The following EGFL6 variants were observed in gnomAD, a reference collection of about 807,000 sequenced individuals.
EGFL6 encodes the protein EGF like domain multiple 6, also known as epidermal growth factor-like protein 6.
EGFL6 carries 42 observed loss-of-function variants against 43.1 expected under a neutral mutation model. That is an observed-to-expected ratio of 0.98 (90% CI 0.76 to 1.26). The LOEUF is 1.26. Among genes scored for constraint, EGFL6 ranks in the 50% most tolerant of loss-of-function variants. The probability of loss-of-function intolerance (pLI) is 0.00; values close to 1 mark genes in which losing one functional copy is unlikely to be tolerated. For missense variants in EGFL6, 429 were observed against 427.8 expected (o/e 1.00, Z -0.02); for synonymous variants, 164 against 163.2 (o/e 1.01, Z -0.04).
chrX:13,571,330 A>G (rs1295965584), intron 1 of EGFL6, among the ~76,000 whole-genome samples: 2 of 111,098 alleles, frequency 1.8e-5, no homozygotes, highest in African/African-American at 3.3e-5. Flanking sequence ...ATATTTCATC[A>G]GAGTTAGCCA....
At chrX:13,576,628 T>C (rs781083599) in intron 1 of EGFL6, among the ~76,000 whole-genome samples, 26 of 111,652 alleles carry the variant, frequency 2.3e-4, no homozygotes, top group Admixed American at 1.3e-3. Flanking sequence ...GGAAATGTAG[T>C]CTATATTCTG....
rs753752925 is a variant in EGFL6, at chrX:13,582,155, C to T, written c.75-7401C>T. On this transcript the variant is annotated intron_variant, in intron 1 of 11. Transcript: ENST00000361306. Reference sequence around the variant, plus strand: ...TCGGCTGACTGCAAGCTCTGACTCCCGGGTTCACGCCATTCTCCTGCCTCA... The same window carrying T: ...TCGGCTGACTGCAAGCTCTGACTCCTGGGTTCACGCCATTCTCCTGCCTCA... Among the ~76,000 whole-genome samples the T allele has an allele frequency of 7.3e-5, 8 of 109,383 alleles. No individual in the cohort carries two copies. The South Asian group carries it at 1.2e-3, about 17-fold the overall frequency. The allele number at this position is 109,383 out of a possible 115,157, so 95.0% of individuals were successfully genotyped here. A position where few individuals can be genotyped will look rare whatever the true frequency, so the allele number is the denominator to read the frequency against.
In EGFL6 at chrX:13,589,815, A is replaced by G. The variant is rs1395655834; in HGVS notation, c.187+147A>G. 5.4e-5 allele frequency: 22 copies of G among 406,414 alleles called. No individual in the cohort carries two copies. The East Asian group carries it at 8.9e-4, about 16-fold the overall frequency. The allele number at this position is 406,414 out of a possible 1,213,427, so 33.5% of individuals were successfully genotyped here. A position where few individuals can be genotyped will look rare whatever the true frequency, so the allele number is the denominator to read the frequency against. The stretch of plus-strand genomic sequence containing the variant: ...AATAACCAAGGTCTGGGTTCCTATG[A>G]GATCTCTTCCCAGACAAAATGTGGC... On this transcript the variant is annotated intron_variant, in intron 2 of 11. Coordinates refer to ENST00000361306, the MANE Select transcript of EGFL6 (RefSeq NM_015507.4).
chrX:13,588,691 G>C (rs1312089132), intron 1 of EGFL6, among the ~76,000 whole-genome samples: 1 of 111,030 alleles, frequency 9.0e-6, no homozygotes, highest in East Asian at 2.8e-4. Context: ...CATGAGCGAA[G>C]AACAGTTTTT....
At chrX:13,589,492 T>C in intron 1 of EGFL6, 64 bp from the exon 2 acceptor site, 2 of 932,980 alleles carry the variant, frequency 2.1e-6, no homozygotes, top group Non-Finnish European at 3.0e-6. Context: ...CTTTTAGTAG[T>C]AGGGAAGAGT....
chrX:13,578,704 T>C (rs1237937875), intron 1 of EGFL6, among the ~76,000 whole-genome samples: 18 of 109,801 alleles, frequency 1.6e-4, no homozygotes, highest in African/African-American at 5.1e-4. Flanking sequence ...CCGCATATTC[T>C]CACTCATAGG....
intron 7 of EGFL6, among the ~76,000 whole-genome samples, chrX:13,613,100 G>A (rs919814844): frequency 2.8e-5 from 3 of 106,718 alleles, no homozygotes; most frequent in Non-Finnish European, 5.8e-5. Flanking sequence ...AGCTGAGATC[G>A]TACCACTACA....
intron 3 of EGFL6, among the ~76,000 whole-genome samples, chrX:13,596,862 T>C (rs1277553142): frequency 8.9e-6 from 1 of 112,372 alleles, no homozygotes; most frequent in African/African-American, 3.2e-5. Context: ...CAAAGAATGA[T>C]CAGACCCAAA....
chrX:13,629,143 G>C (rs1017597535), intron 11 of EGFL6, among the ~76,000 whole-genome samples: 2 of 112,565 alleles, frequency 1.8e-5, no homozygotes, highest in African/African-American at 6.5e-5. Context: ...GCTTGTTTAG[G>C]AATGACACAT....
At chrX:13,596,141 G>A (rs747949339) in intron 3 of EGFL6, 24 of 112,194 alleles carry the variant, frequency 2.1e-4, no homozygotes, top group South Asian at 1.1e-3. Flanking sequence ...CCCAGGAAGC[G>A]TTGCCAGATA....
chrX:13,632,626 G>C (rs1284808671), intron 11 of EGFL6, among the ~76,000 whole-genome samples: 1 of 111,125 alleles, frequency 9.0e-6, no homozygotes, highest in Non-Finnish European at 1.9e-5. Flanking sequence ...TTTTTTATTA[G>C]ATGTTCAAGG....
intron 2 of EGFL6, 121 bp downstream of exon 2, chrX:13,589,789 C>T (rs1439715362): frequency 2.0e-6 from 1 of 495,868 alleles, no homozygotes; most frequent in Non-Finnish European, 3.2e-6. Context: ...GCATAACTAC[C>T]AATAACCAAG....
chrX:13,626,966 T>G (rs1400550499), intron 10 of EGFL6, 45 bp from the exon 11 acceptor site: 1 of 1,184,207 alleles, frequency 8.4e-7, no homozygotes, highest in Non-Finnish European at 1.1e-6. Context: ...GCCAAACTCC[T>G]TACAATTGCC....
intron 3 of EGFL6, among the ~76,000 whole-genome samples, chrX:13,597,541 A>T (rs368245672): frequency 7.8e-4 from 87 of 111,887 alleles, no homozygotes; most frequent in South Asian, 1.5e-3. Flanking sequence ...TCCGGCACTT[A>T]GGGAGGTCGA....
chrX:13,627,328 T>A, intron 11 of EGFL6, 52 bp downstream of exon 11: 1 of 1,168,249 alleles, frequency 8.6e-7, no homozygotes, highest in East Asian at 3.0e-5. Flanking sequence ...TTTGCAATGA[T>A]TTAACAAATG....
chrX:13,600,601 A>T (rs745341833), intron 4 of EGFL6, among the ~76,000 whole-genome samples: 5 of 107,756 alleles, frequency 4.6e-5, no homozygotes, highest in Admixed American at 9.9e-5. Flanking sequence ...TAATTTTTTT[A>T]AAAAAGTAAG....
chrX:13,576,224 C>T (rs943361878), intron 1 of EGFL6, among the ~76,000 whole-genome samples: 4 of 111,817 alleles, frequency 3.6e-5, no homozygotes, highest in African/African-American at 9.8e-5. Context: ...GAAGGTGAAG[C>T]GGGAGCAGGT....
chrX:13,597,010 C>T (rs1438546635), intron 3 of EGFL6, among the ~76,000 whole-genome samples: 2 of 112,085 alleles, frequency 1.8e-5, no homozygotes, highest in Admixed American at 1.9e-4. Flanking sequence ...GGATACTTGA[C>T]AATGACTGGG....
At chrX:13,603,190 A>G in intron 4 of EGFL6, 127 bp from the exon 5 acceptor site, 13 of 828,971 alleles carry the variant, frequency 1.6e-5, no homozygotes, top group Non-Finnish European at 2.1e-5. Context: ...GGACTCAGAC[A>G]ATGAAACTTG....
Sources: gnomAD v4.1 joint callset for allele counts (sites outside exome capture counted in the v4.1 genomes callset) on GRCh38, gnomAD v4.1.1 for gene constraint, MANE v1.5 for transcripts, NCBI Gene and HGNC (gene_info 2026-07-23, HGNC 2026-07-21) for gene names.